TIMM44: variants seen among roughly 807,000 people sequenced by gnomAD.
TIMM44 encodes the protein mitochondrial import inner membrane translocase subunit TIM44.
A neutral mutation model predicts 63.8 loss-of-function variants in TIMM44; 37 were observed. The ratio of observed to expected loss-of-function variants is 0.58; its 90% CI spans 0.45 to 0.76. The LOEUF (loss-of-function observed/expected upper bound fraction) is 0.76. TIMM44 is among the 30% of genes least tolerant of loss of function. The pLI, the probability that TIMM44 is intolerant of heterozygous loss-of-function variation, is 0.00. For missense variants in TIMM44, 573 were observed against 603.8 expected (o/e 0.95, Z 0.54); for synonymous variants, 239 against 245.1 (o/e 0.98, Z 0.23).
chr19:7,929,689 G>A (rs780035254), intron 10 of TIMM44, among the ~76,000 whole-genome samples: 33 of 147,582 alleles, frequency 2.2e-4, no homozygotes, highest in Admixed American at 7.4e-4. Context: ...TTGACTCCCA[G>A]CCCCCCCCCA....
At chr19:7,931,339 C>T (rs1983976709) in intron 9 of TIMM44, 151 bp from the exon 10 acceptor site, 8 of 745,258 alleles carry the variant, frequency 1.1e-5, no homozygotes, top group Admixed American at 7.8e-5. Context: ...AGCTGTGGCA[C>T]TGGGTGTCCC....
intron 10 of TIMM44, 181 bp from the exon 11 acceptor site, chr19:7,928,347 C>CG: frequency 1.7e-6 from 1 of 601,838 alleles, no homozygotes; most frequent in South Asian, 2.0e-5. Context: ...CCAGATCACA[C>CG]GCTTCCCACT....
chr19:7,928,218 C>A (rs377412091), intron 10 of TIMM44, 52 bp from the exon 11 acceptor site: 1 of 1,493,754 alleles, frequency 6.7e-7, no homozygotes, highest in Admixed American at 1.8e-5. Context: ...GTGGGCACCA[C>A]GCCACACAGA....
intron 3 of TIMM44, 138 bp downstream of exon 3, chr19:7,937,889 G>C: frequency 1.0e-6 from 1 of 1,001,954 alleles, no homozygotes; most frequent in Non-Finnish European, 1.6e-6. Context: ...GTGGTGGTGC[G>C]CGCCTGTAAG....
In TIMM44 at chr19:7,934,290, G is replaced by T. The variant is rs778114281; in HGVS notation, c.394-52C>A. 2 of 1,601,676 alleles carry T rather than the reference G, an allele frequency of 1.2e-6. No individual in the cohort carries two copies. Among genetic ancestry groups the T allele is most frequent in the Middle Eastern group, 3.3e-4 (2 of 6,048 alleles). On this transcript the variant is annotated intron_variant, in intron 4 of 12. Transcript: ENST00000270538. This position sits in a 1 kb window ranked among gnomAD's most constrained non-coding sequence, Gnocchi z 5.3. ...CGTTGGCACCGGCCCTGGCGGCCGG[G>T]GGGCGGGGCAGGAGGAATGAATTCC...
At position 7,934,221 on chromosome 19, in the gene TIMM44, A is replaced by G. The variant is rs1472797478; in HGVS notation, c.411T>C (p.Ser137=). 1.3e-5 allele frequency: 21 copies of G among 1,612,638 alleles called. No homozygotes were observed. The highest frequency in any genetic ancestry group is 1.8e-5 in the Non-Finnish European group (21 of 1,179,946). The stretch of plus-strand genomic sequence containing the variant: ...TGATTTTCCGGCCGAGATCACTTTT[A>G]CTGACTTCGTGAAGGCTCTACTGAG... The part of the protein sequence containing the change: ...GTVKESLHEV[S]KSDLGRKIKE... The change falls in exon 5 of 13, where the codon AGT becomes AGC. Residue 137 remains serine (S), a synonymous_variant. Transcript: ENST00000270538. This position sits in a 1 kb window ranked among gnomAD's most constrained non-coding sequence, Gnocchi z 5.3.
rs1021947592 is a variant in TIMM44, at chr19:7,934,943, A to C, written c.393+122T>G. 1.2e-6 allele frequency: 1 copy of C among 860,554 alleles called. No homozygotes were observed. Among genetic ancestry groups the C allele is most frequent in the Non-Finnish European group, 1.9e-6 (1 of 524,534 alleles). The allele number at this position is 860,554 out of a possible 1,614,324, so 53.3% of individuals were successfully genotyped here. A position where few individuals can be genotyped will look rare whatever the true frequency, so the allele number is the denominator to read the frequency against. On this transcript the variant is annotated intron_variant, in intron 4 of 12. Transcript: ENST00000270538. This position sits in a 1 kb window ranked among gnomAD's most constrained non-coding sequence, Gnocchi z 5.3. Reference sequence around the variant, plus strand: ...CTGAAACCTTCCCGAGGGTGGCAGCACGCCCCATGCCACCCACTGCTGCCA... The same window carrying C: ...CTGAAACCTTCCCGAGGGTGGCAGCCCGCCCCATGCCACCCACTGCTGCCA...
intron 11 of TIMM44, 152 bp downstream of exon 11, chr19:7,927,925 G>T: frequency 9.2e-7 from 1 of 1,084,100 alleles, no homozygotes; most frequent in Non-Finnish European, 1.4e-6. Context: ...GCCAGGACCA[G>T]GCCTCCCTCG....
chr19:7,943,620 C>T lies in TIMM44; in HGVS notation c.32G>A (p.Cys11Tyr). 6 of 1,559,078 alleles carry T rather than the reference C, an allele frequency of 3.8e-6. No individual in the cohort carries two copies. The highest frequency in any genetic ancestry group is 2.4e-5 in the East Asian group (1 of 41,718). MAAAALRSGW[C>Y]RCPRRCLGSG... ...ACCGCCGCTCACCCGTGGACAGCGGCACCAGCCACTCCGCAGGGCCGCCGC... is the reference window on the plus strand; with the variant it reads ...ACCGCCGCTCACCCGTGGACAGCGGTACCAGCCACTCCGCAGGGCCGCCGC... Residue 11 changes from cysteine to tyrosine, a missense_variant, in exon 1 of 13, where the codon TGC becomes TAC. Physicochemically the swap from Cys to Tyr is radical, Grantham distance 194. Transcript: ENST00000270538. The surrounding 1 kb of genome is among the most constrained non-coding windows in gnomAD (Gnocchi z 4.3).
intron 9 of TIMM44, 84 bp from the exon 10 acceptor site, chr19:7,931,272 T>A: frequency 7.6e-7 from 1 of 1,319,336 alleles, no homozygotes; most frequent in Non-Finnish European, 1.1e-6. Context: ...TCTCCAGTGG[T>A]GCGGGGTGGG....
Position 7,928,251 on chromosome 19 carries a change from G to A in TIMM44, c.1039-85C>T, listed in dbSNP as rs545491220. On this transcript the variant is annotated intron_variant, in intron 10 of 12. Transcript: ENST00000270538. The stretch of plus-strand genomic sequence containing the variant: ...AGAGCTGCTGCCCACACACCCTGGC[G>A]CCCAGGTGCCCTGCCGCCAGCCAGC... 53 of 1,189,740 alleles carry A rather than the reference G, an allele frequency of 4.5e-5. No individual in the cohort carries two copies. The East Asian group carries it at 8.2e-4, about 18-fold the overall frequency. The allele number at this position is 1,189,740 out of a possible 1,614,324, so 73.7% of individuals were successfully genotyped here. A position where few individuals can be genotyped will look rare whatever the true frequency, so the allele number is the denominator to read the frequency against.
intron 10 of TIMM44, 152 bp from the exon 11 acceptor site, chr19:7,928,318 G>A: frequency 1.6e-6 from 1 of 637,942 alleles, no homozygotes; most frequent in Non-Finnish European, 2.8e-6. Context: ...GGGGAGGCAG[G>A]TGCCACCCAC....
chr19:7,940,948 T>C (rs1321630913), intron 2 of TIMM44, among the ~76,000 whole-genome samples, 154 bp downstream of exon 2: 1 of 151,848 alleles, frequency 6.6e-6, no homozygotes, highest in African/African-American at 2.4e-5. Flanking sequence ...CCAGGCACAC[T>C]GGGATCTGTC....
At position 7,933,451 on chromosome 19, in the gene TIMM44, A is replaced by G. The variant is rs770878072; in HGVS notation, c.769+34T>C. ...TTGCGGTCCACCAACTGCCCGGGAC[A>G]CAGTCACCTGCCCTCCAAGACACCT... On this transcript the variant is annotated intron_variant, in intron 7 of 12. Coordinates refer to ENST00000270538, the MANE Select transcript of TIMM44 (RefSeq NM_006351.4). The surrounding 1 kb of genome is among the most constrained non-coding windows in gnomAD (Gnocchi z 4.3). The G allele has an allele frequency of 1.5e-5, 24 of 1,595,946 alleles. No individual in the cohort carries two copies. Among genetic ancestry groups the G allele is most frequent in the African/African-American group, 2.7e-5 (2 of 74,578 alleles).
At position 7,934,068 on chromosome 19, in the gene TIMM44, C is replaced by G; in HGVS notation, c.543+21G>C. On this transcript the variant is annotated intron_variant, in intron 5 of 12. Transcript: ENST00000270538. The surrounding 1 kb of genome is among the most constrained non-coding windows in gnomAD (Gnocchi z 5.3). ...GTTCGGCCGCCCCAGGCTGCATGCC[C>G]TAGCCCAGGACTGGGCTCACCTGGG... 1 of 1,613,328 alleles carries G rather than the reference C, an allele frequency of 6.2e-7. No homozygotes were observed. The highest frequency in any genetic ancestry group is 8.5e-7 in the Non-Finnish European group (1 of 1,179,980).
rs1201883909 is a variant in TIMM44 at position 7,933,378 on chromosome 19, C to T, written c.769+107G>A. The T allele has an allele frequency of 4.0e-6, 4 of 1,007,540 alleles. No individual in the cohort carries two copies. The highest frequency in any genetic ancestry group is 6.4e-6 in the Non-Finnish European group (4 of 625,952). 62.4% of individuals were successfully genotyped at this position (1,007,540 alleles called of 1,614,324 possible). A position where few individuals can be genotyped will look rare whatever the true frequency, so the allele number is the denominator to read the frequency against. On this transcript the variant is annotated intron_variant, in intron 7 of 12. Transcript: ENST00000270538. The surrounding 1 kb of genome is among the most constrained non-coding windows in gnomAD (Gnocchi z 4.3). ...ACCGGCCCACTCTGACCCCGATCTC[C>T]TCCTCTGCAAAACGGGGCTGTCTTG...
intron 10 of TIMM44, among the ~76,000 whole-genome samples, chr19:7,929,888 G>A (rs914479475): frequency 6.6e-6 from 1 of 152,092 alleles, no homozygotes; most frequent in African/African-American, 2.4e-5. Context: ...TCGCTCTGTT[G>A]CCCAGGCTGG....
intron 1 of TIMM44, 66 bp from the exon 2 acceptor site, chr19:7,941,263 A>G: frequency 7.9e-7 from 1 of 1,259,160 alleles, no homozygotes; most frequent in South Asian, 1.2e-5. Context: ...TAAGCAGACC[A>G]CACACAAAAC....
chr19:7,927,158 G>A lies in TIMM44; in HGVS notation c.*29C>T. Reference sequence around the variant, plus strand: ...GGTGCCTCTGTGCCTGATGACCCAGGCCGGGGCTACCTGGCTCCGGCACCA... The same window carrying A: ...GGTGCCTCTGTGCCTGATGACCCAGACCGGGGCTACCTGGCTCCGGCACCA... On this transcript the variant is annotated 3_prime_UTR_variant, in exon 13 of 13. Transcript: ENST00000270538. 1 of 1,593,648 alleles carries A rather than the reference G, an allele frequency of 6.3e-7. No individual in the cohort carries two copies. Among genetic ancestry groups the A allele is most frequent in the South Asian group, 1.1e-5 (1 of 89,730 alleles).
Sources: allele counts gnomAD v4.1 joint callset (sites outside exome capture counted in the v4.1 genomes callset), GRCh38; gene constraint gnomAD v4.1.1; non-coding constraint Gnocchi (gnomAD v3.1); transcripts MANE v1.5; gene names NCBI Gene and HGNC (gene_info 2026-07-23, HGNC 2026-07-21).